The following KHDRBS2 variants were observed in gnomAD, a reference collection of about 807,000 sequenced individuals.
The protein encoded by KHDRBS2 is KH RNA binding domain containing, signal transduction associated 2, also known as KH domain-containing, RNA-binding, signal transduction-associated protein 2.
A neutral mutation model predicts 44.3 loss-of-function variants in KHDRBS2; 26 were observed. The ratio of observed to expected loss-of-function variants is 0.59; its 90% confidence interval spans 0.43 to 0.81. KHDRBS2 has a LOEUF of 0.81. Ranked by LOEUF, KHDRBS2 falls within the 40% of genes least tolerant of loss-of-function variation. The probability of loss-of-function intolerance (pLI) is 0.00; values close to 1 mark genes in which losing one functional copy is unlikely to be tolerated. For missense variants in KHDRBS2, 476 were observed against 433.1 expected (o/e 1.10, Z -0.88); for synonymous variants, 194 against 151.1 (o/e 1.28, Z -2.08).
rs1368510600 is a variant in KHDRBS2, at chr6:62,152,175, C to CGGGTGT, written c.219+25004_219+25009dup. Among the ~76,000 whole-genome samples, 16 of 151,710 alleles carry CGGGTGT rather than the reference C, an allele frequency of 1.1e-4. No individual in the cohort carries two copies. In the East Asian group the frequency reaches 3.1e-3, roughly 29 times the overall value. ...ACTCTACTAAAAATACAAAATTAGC[C>CGGGTGT]GGGTGTGGTGGTACATGCCTGTAAT... is the stretch of plus-strand genomic sequence containing the variant. On this transcript the variant is annotated intron_variant, in intron 2 of 8. Transcript: ENST00000281156.
chr6:61,991,170 C>T (rs115254572), intron 3 of KHDRBS2, among the ~76,000 whole-genome samples: 85 of 152,192 alleles, frequency 5.6e-4, no homozygotes, highest in African/African-American at 1.9e-3. Flanking sequence ...GAATTAAGTC[C>T]ATTAAAAAAT....
the KHDRBS2 span, among the ~76,000 whole-genome samples, chr6:61,619,283 A>G: frequency 6.8e-6 from 1 of 147,820 alleles, no homozygotes; most frequent in East Asian, 2.0e-4. Context: ...CTGAGTCTCT[A>G]AAGTCCATTG....
intron 1 of KHDRBS2, among the ~76,000 whole-genome samples, chr6:62,214,060 T>C (rs1409008974): frequency 6.6e-6 from 1 of 152,090 alleles, no homozygotes; most frequent in African/African-American, 2.4e-5. Flanking sequence ...CCATGGCAAA[T>C]TGAACAGCTT....
intron 6 of KHDRBS2, among the ~76,000 whole-genome samples, chr6:61,829,553 T>TA (rs796667949): frequency 9.3e-4 from 137 of 147,822 alleles, no homozygotes; most frequent in Middle Eastern, 3.4e-3. Context: ...GCTTAGATGG[T>TA]AAAAAAAAAA....
intron 6 of KHDRBS2, among the ~76,000 whole-genome samples, chr6:61,846,515 T>C (rs1393426843): frequency 5.9e-5 from 9 of 152,172 alleles, no homozygotes; most frequent in Admixed American, 5.9e-4. Flanking sequence ...CCCTGAGCTG[T>C]ATTTTGCTAT....
intron 3 of KHDRBS2, among the ~76,000 whole-genome samples, chr6:62,011,929 A>G (rs2127270157): frequency 6.6e-6 from 1 of 152,332 alleles, no homozygotes; most frequent in Admixed American, 6.5e-5. Context: ...ACAGATTTTA[A>G]GTGACTTAGG....
At chr6:61,902,561 T>C (rs1804257278) in intron 4 of KHDRBS2, among the ~76,000 whole-genome samples, 1 of 151,902 alleles carries the variant, frequency 6.6e-6, no homozygotes, top group Non-Finnish European at 1.5e-5. Context: ...AGTACAAAAT[T>C]GAGTAACTGG....
chr6:61,997,902 A>G (rs544912292), intron 3 of KHDRBS2, among the ~76,000 whole-genome samples: 1 of 152,350 alleles, frequency 6.6e-6, no homozygotes, highest in East Asian at 1.9e-4. Context: ...ACATTCAGAA[A>G]GAGTTAGATA....
chr6:62,212,883 G>C lies in KHDRBS2; in HGVS notation c.92-35571C>G, dbSNP rs1475879938. Among the ~76,000 whole-genome samples the C allele has an allele frequency of 7.2e-5, 11 of 152,186 alleles. No homozygotes were observed. In the East Asian group the frequency reaches 2.1e-3, roughly 29 times the overall value. On this transcript the variant is annotated intron_variant, in intron 1 of 8. Transcript: ENST00000281156. Reference sequence around the variant, plus strand: ...CTAGCAAACTAATACAGGAAGACTGGATGGGGGAGAGAGGGAAGGGGGTGC... The same window carrying C: ...CTAGCAAACTAATACAGGAAGACTGCATGGGGGAGAGAGGGAAGGGGGTGC...
chr6:61,928,654 T>C (rs1809428202), intron 4 of KHDRBS2, among the ~76,000 whole-genome samples: 2 of 152,094 alleles, frequency 1.3e-5, no homozygotes. Flanking sequence ...AGTGGCACTG[T>C]ATGCAATGGA....
chr6:61,813,953 A>G (rs887803312), intron 6 of KHDRBS2: 11 of 454,898 alleles, frequency 2.4e-5, no homozygotes, highest in South Asian at 1.7e-4. Context: ...CTGATGAACA[A>G]CTCAGTCCCA....
intron 4 of KHDRBS2, among the ~76,000 whole-genome samples, chr6:61,932,719 G>A (rs887630847): frequency 9.9e-5 from 15 of 152,144 alleles, no homozygotes; most frequent in African/African-American, 3.4e-4. Flanking sequence ...GCGTGAACCG[G>A]GAGGCGGAGT....
the KHDRBS2 span, among the ~76,000 whole-genome samples, chr6:61,642,328 A>G: frequency 5.3e-5 from 8 of 152,026 alleles, no homozygotes; most frequent in Admixed American, 3.9e-4. Context: ...ACTTGAATGC[A>G]CTGAAATACA....
At chr6:61,852,153 C>T (rs1795521442) in intron 6 of KHDRBS2, among the ~76,000 whole-genome samples, 1 of 151,814 alleles carries the variant, frequency 6.6e-6, no homozygotes, top group East Asian at 1.9e-4. Context: ...ACCTGGGAGG[C>T]AAAGGTCACA....
At chr6:61,615,233 C>CAA in the KHDRBS2 span, among the ~76,000 whole-genome samples, 2,004 of 58,530 alleles carry the variant, frequency 0.034, 140 homozygotes, top group Middle Eastern at 0.1. Flanking sequence ...ACTCCATCTC[C>CAA]AAAAAAAAAA....
chr6:61,956,674 T>A (rs1018959851), intron 4 of KHDRBS2, among the ~76,000 whole-genome samples: 2 of 152,104 alleles, frequency 1.3e-5, no homozygotes, highest in Non-Finnish European at 2.9e-5. Context: ...TTCTCCATTC[T>A]CTGCACACCC....
intron 2 of KHDRBS2, among the ~76,000 whole-genome samples, chr6:62,172,980 T>A: frequency 6.6e-6 from 1 of 151,768 alleles, no homozygotes; most frequent in East Asian, 1.9e-4. Context: ...CCATATCACA[T>A]AACTAGGAAG....
the KHDRBS2 span, among the ~76,000 whole-genome samples, chr6:61,552,802 G>T: frequency 2.6e-5 from 4 of 151,970 alleles, no homozygotes; most frequent in East Asian, 1.9e-4. Context: ...AATCACATTT[G>T]TTCATTTGCA....
chr6:62,085,875 T>C (rs1172349514), intron 2 of KHDRBS2, among the ~76,000 whole-genome samples: 5 of 152,016 alleles, frequency 3.3e-5, no homozygotes, highest in Admixed American at 1.3e-4. Flanking sequence ...TGAATAAAGT[T>C]AGGGTTAAGA....
Sources: allele counts gnomAD v4.1 joint callset (sites outside exome capture counted in the v4.1 genomes callset), GRCh38; gene constraint gnomAD v4.1.1; transcripts MANE v1.5; gene names NCBI Gene and HGNC (gene_info 2026-07-23, HGNC 2026-07-21).